The following GSG1L variants were observed in gnomAD, a reference collection of about 807,000 sequenced individuals.
The protein encoded by GSG1L is germ cell-specific gene 1-like protein.
Under a neutral mutation model 42.1 loss-of-function variants are expected in GSG1L, and 24 were observed. That is an observed-to-expected ratio of 0.57 (90% confidence interval 0.41 to 0.80). The LOEUF (loss-of-function observed/expected upper bound fraction) is 0.80. Among genes scored for constraint, GSG1L ranks in the 30% least tolerant of loss-of-function variants. The pLI, the probability that GSG1L is intolerant of heterozygous loss-of-function variation, is 0.00. For synonymous variants in GSG1L, 215 were observed against 203.5 expected, an observed-to-expected ratio of 1.06 and a Z score of -0.48; for missense variants, 445 against 472.2, an observed-to-expected ratio of 0.94 and a Z score of 0.53.
chr16:27,804,460 C>A (rs1170249454), intron 6 of GSG1L, among the ~76,000 whole-genome samples: 1 of 151,926 alleles, frequency 6.6e-6, no homozygotes, highest in Non-Finnish European at 1.5e-5. Flanking sequence ...ATCACCACAT[C>A]TTCCTCCCTT....
chr16:27,823,324 C>T (rs954533796), intron 5 of GSG1L, among the ~76,000 whole-genome samples: 6 of 152,156 alleles, frequency 3.9e-5, no homozygotes, highest in Non-Finnish European at 8.8e-5. Flanking sequence ...CACATGCATA[C>T]GCACACGCAC....
intron 2 of GSG1L, among the ~76,000 whole-genome samples, chr16:27,944,346 G>C (rs1194233270): frequency 1.3e-5 from 2 of 152,254 alleles, no homozygotes; most frequent in Admixed American, 6.5e-5. Flanking sequence ...AATGGGCCGG[G>C]TGTGGTGGCT....
chr16:27,929,238 C>T (rs1276256315), intron 2 of GSG1L, among the ~76,000 whole-genome samples: 1 of 152,220 alleles, frequency 6.6e-6, no homozygotes, highest in Non-Finnish European at 1.5e-5. Flanking sequence ...GCCCATTCTC[C>T]CTTCTTCTGT....
At position 27,789,091 on chromosome 16, in the gene GSG1L, G is replaced by A. The variant is rs571669719; in HGVS notation, c.*2279C>T. The A allele has an allele frequency of 6.6e-6, 1 of 152,388 alleles. No homozygotes were observed. Among genetic ancestry groups the A allele is most frequent in the African/African-American group, 2.4e-5 (1 of 41,570 alleles). The allele number at this position is 152,388 out of a possible 1,614,324, so 9.4% of individuals were successfully genotyped here. A position where few individuals can be genotyped will look rare whatever the true frequency, so the allele number is the denominator to read the frequency against. On this transcript the variant is annotated 3_prime_UTR_variant, in exon 7 of 7. Transcript: ENST00000447459. ...ATGGAAGGAGGATGGATGGAAGTCT[G>A]ATACAAGGAAGGATGACAAGCAATC... is the stretch of plus-strand genomic sequence containing the variant.
At chr16:27,964,497 G>A (rs1207436988) in intron 1 of GSG1L, among the ~76,000 whole-genome samples, 5 of 152,132 alleles carry the variant, frequency 3.3e-5, no homozygotes, top group African/African-American at 4.8e-5. Flanking sequence ...GTGGATAGCA[G>A]CACTATCCAA....
At chr16:27,955,928 A>AAGGAAAGAAG (rs1567533947) in intron 2 of GSG1L, among the ~76,000 whole-genome samples, 1 of 56,782 alleles carries the variant, frequency 1.8e-5, no homozygotes, top group South Asian at 6.5e-4. Flanking sequence ...AAGGAAGGAA[A>AAGGAAAGAAG]GAAGGAAGGA....
intron 5 of GSG1L, chr16:27,823,977 T>A: frequency 1.4e-6 from 1 of 702,214 alleles, no homozygotes; most frequent in Non-Finnish European, 2.6e-6. Context: ...ATTAACTGAG[T>A]CACATCTGAG....
intron 1 of GSG1L, among the ~76,000 whole-genome samples, chr16:28,036,924 T>C (rs1395470744): frequency 6.6e-6 from 1 of 152,254 alleles, no homozygotes; most frequent in Non-Finnish European, 1.5e-5. Flanking sequence ...GGAAACTACG[T>C]TTCCCACATG....
intron 1 of GSG1L, among the ~76,000 whole-genome samples, chr16:28,056,075 A>T (rs2086275971): frequency 6.6e-6 from 1 of 152,158 alleles, no homozygotes; most frequent in Admixed American, 6.5e-5. Flanking sequence ...CTGCCCACAG[A>T]AGCCCTGAGA....
intron 2 of GSG1L, among the ~76,000 whole-genome samples, chr16:27,945,766 T>C (rs1404016557): frequency 6.6e-6 from 1 of 152,238 alleles, no homozygotes; most frequent in African/African-American, 2.4e-5. Flanking sequence ...GGTAGGGGTC[T>C]CAGGGGCATG....
chr16:27,869,661 ATCTC>A (rs779110182), intron 3 of GSG1L, among the ~76,000 whole-genome samples: 9 of 61,382 alleles, frequency 1.5e-4, no homozygotes, highest in Admixed American at 1.0e-3. Flanking sequence ...GTCTTCCTCC[ATCTC>A]TCTCTCTCTC....
At chr16:28,022,479 ATT>A (rs11318488) in intron 1 of GSG1L, among the ~76,000 whole-genome samples, 7 of 141,754 alleles carry the variant, frequency 4.9e-5, no homozygotes, top group Admixed American at 1.4e-4. Context: ...CAACCAGCTA[ATT>A]TTTTTTTTTT....
At chr16:27,980,325 G>A (rs1358605446) in intron 1 of GSG1L, among the ~76,000 whole-genome samples, 1 of 152,174 alleles carries the variant, frequency 6.6e-6, no homozygotes, top group Admixed American at 6.5e-5. Context: ...TCCTGGGTCT[G>A]AAGATCGTGA....
chr16:27,840,595 G>A (rs947425551), intron 4 of GSG1L, among the ~76,000 whole-genome samples: 1 of 152,150 alleles, frequency 6.6e-6, no homozygotes, highest in Non-Finnish European at 1.5e-5. Flanking sequence ...CTAGCTCCTC[G>A]TGTTGGTTAC....
In GSG1L at chr16:27,920,107, T is replaced by C. The variant is rs373175947; in HGVS notation, c.398-35469A>G. 7.9e-5 allele frequency among the ~76,000 whole-genome samples: 12 copies of C among 152,368 alleles called. No homozygotes were observed. The East Asian group carries it at 2.1e-3, about 27-fold the overall frequency. On this transcript the variant is annotated intron_variant, in intron 2 of 6. Coordinates refer to ENST00000447459, the MANE Select transcript of GSG1L (RefSeq NM_001109763.2). ...ATTGTACATTAAGAGGACCAAAATT[T>C]AAAATCTTCAATTGTCATATTTTAA...
chr16:27,821,623 G>A (rs911569755), intron 5 of GSG1L, among the ~76,000 whole-genome samples: 6 of 152,028 alleles, frequency 3.9e-5, no homozygotes, highest in African/African-American at 9.7e-5. Flanking sequence ...ATTTTGGGCC[G>A]GGCGCGGTGG....
chr16:27,875,760 A>C (rs2083880274), intron 3 of GSG1L, among the ~76,000 whole-genome samples: 1 of 152,200 alleles, frequency 6.6e-6, no homozygotes, highest in African/African-American at 2.4e-5. Flanking sequence ...TAGTTGGTCC[A>C]ATTATAGTCC....
chr16:27,821,633 GC>G (rs1471663963), intron 5 of GSG1L, among the ~76,000 whole-genome samples: 1 of 152,120 alleles, frequency 6.6e-6, no homozygotes, highest in African/African-American at 2.4e-5. Flanking sequence ...GGGCGCGGTG[GC>G]TCACACCTGT....
chr16:27,911,175 G>T (rs769705176), intron 2 of GSG1L, among the ~76,000 whole-genome samples: 22 of 151,966 alleles, frequency 1.4e-4, no homozygotes, highest in Non-Finnish European at 2.9e-4. Flanking sequence ...GACTTCCTTG[G>T]AGTTTCTTGG....
Sources: gnomAD v4.1 joint callset for allele counts (sites outside exome capture counted in the v4.1 genomes callset) on GRCh38, gnomAD v4.1.1 for gene constraint, MANE v1.5 for transcripts, NCBI Gene and HGNC (gene_info 2026-07-23, HGNC 2026-07-21) for gene names.